Variants in VSNL1 observed in about 807,000 individuals in gnomAD.
VSNL1 encodes the protein visinin like 1, also known as visinin-like protein 1.
VSNL1 carries 6 observed loss-of-function variants against 20.4 expected under a neutral mutation model. That is an observed-to-expected ratio of 0.29 (90% CI 0.16 to 0.58). The LOEUF is 0.58. Among genes scored for constraint, VSNL1 ranks in the 20% least tolerant of loss-of-function variants. VSNL1 has a pLI of 0.90. For synonymous variants in VSNL1, 93 were observed against 86.4 expected (o/e 1.08, Z -0.42); for missense variants, 100 against 234.5 (o/e 0.43, Z 3.75).
chr2:17,591,223 A>G (rs1292951308), intron 1 of VSNL1, among the ~76,000 whole-genome samples: 2 of 152,164 alleles, frequency 1.3e-5, no homozygotes, highest in African/African-American at 4.8e-5. Context: ...GCCCTAAGTA[A>G]CACATGTAGT....
At chr2:17,561,791 G>T (rs1158008985) in intron 1 of VSNL1, among the ~76,000 whole-genome samples, 1 of 152,134 alleles carries the variant, frequency 6.6e-6, no homozygotes, top group East Asian at 1.9e-4. Flanking sequence ...AGAAAAAGAG[G>T]AGAGAGAGAC....
chr2:17,640,075 C>T (rs1000460180), intron 2 of VSNL1, among the ~76,000 whole-genome samples: 2 of 151,952 alleles, frequency 1.3e-5, no homozygotes, highest in African/African-American at 4.8e-5. Context: ...CACGGTGAAA[C>T]CCGGTCTCTA....
At chr2:17,625,203 C>T (rs996758566) in intron 2 of VSNL1, among the ~76,000 whole-genome samples, 10 of 152,222 alleles carry the variant, frequency 6.6e-5, no homozygotes, top group African/African-American at 2.2e-4. Flanking sequence ...TGTGAGGCTT[C>T]CCCAGCCACG....
chr2:17,568,510 A>G (rs921154694), intron 1 of VSNL1, among the ~76,000 whole-genome samples: 5 of 152,194 alleles, frequency 3.3e-5, no homozygotes, highest in African/African-American at 1.2e-4. Flanking sequence ...AAGGTCAGTC[A>G]GTATCTTTAG....
chr2:17,644,441 G>C (rs771372114), intron 2 of VSNL1, among the ~76,000 whole-genome samples: 9 of 152,190 alleles, frequency 5.9e-5, no homozygotes, highest in Admixed American at 6.5e-5. Flanking sequence ...GACAGTGCAC[G>C]AGGGGCCCCT....
At chr2:17,639,871 A>T (rs916304252) in intron 2 of VSNL1, among the ~76,000 whole-genome samples, 2 of 152,078 alleles carry the variant, frequency 1.3e-5, no homozygotes, top group African/African-American at 4.8e-5. Context: ...GGGCATTCTG[A>T]CTCTGTTCCA....
chr2:17,604,276 C>T (rs774791978), intron 2 of VSNL1, among the ~76,000 whole-genome samples: 11 of 152,240 alleles, frequency 7.2e-5, no homozygotes, highest in East Asian at 1.9e-4. Flanking sequence ...GAGGAGCAGG[C>T]GGTGGGCAGG....
rs559301516 is a variant in VSNL1 at position 17,622,838 on chromosome 2, G to A, written c.163-26572G>A. Among the ~76,000 whole-genome samples, 3 of 152,332 alleles carry A rather than the reference G, an allele frequency of 2.0e-5. No individual in the cohort carries two copies. In the East Asian group the frequency reaches 5.8e-4, roughly 29 times the overall value. On this transcript the variant is annotated intron_variant, in intron 2 of 3. Transcript: ENST00000295156. ...AGATCAAATCCCAGGTCCCCACACA[G>A]GAACAGGAGAGGCCAGGCTCCTCCC...
At chr2:17,623,958 A>G (rs1665446399) in intron 2 of VSNL1, among the ~76,000 whole-genome samples, 1 of 152,228 alleles carries the variant, frequency 6.6e-6, no homozygotes. Context: ...TATCTGTTAG[A>G]TTCATAGTGT....
At chr2:17,651,720 C>T (rs1666126883) in intron 3 of VSNL1, among the ~76,000 whole-genome samples, 2 of 152,206 alleles carry the variant, frequency 1.3e-5, no homozygotes, top group Admixed American at 6.5e-5. Flanking sequence ...CTTAGTTCTT[C>T]CACGTTTCTC....
At chr2:17,565,198 T>C (rs1300059698) in intron 1 of VSNL1, among the ~76,000 whole-genome samples, 1 of 152,196 alleles carries the variant, frequency 6.6e-6, no homozygotes, top group Non-Finnish European at 1.5e-5. Context: ...AATGTTAGTC[T>C]GGATTAGGGA....
intron 1 of VSNL1, among the ~76,000 whole-genome samples, chr2:17,578,225 T>C (rs1664262876): frequency 6.6e-6 from 1 of 152,242 alleles, no homozygotes; most frequent in African/African-American, 2.4e-5. Context: ...TATCTCACCT[T>C]GTTTGTCTAA....
At chr2:17,605,475 G>A (rs562432104) in intron 2 of VSNL1, among the ~76,000 whole-genome samples, 7 of 152,350 alleles carry the variant, frequency 4.6e-5, no homozygotes, top group South Asian at 4.1e-4. Context: ...GCGACTCGGC[G>A]GGTAAGCCAG....
At position 17,578,003 on chromosome 2, in the gene VSNL1, T is replaced by G. The variant is rs762786717; in HGVS notation, c.-5-14067T>G. 1.1e-4 allele frequency among the ~76,000 whole-genome samples: 16 copies of G among 152,194 alleles called. 1 individual carries two copies. ...AATGGTATCTACTTCATAAAACGGTTGTAAAGAAGAAGTGAGGTAATCCAT... is the reference window on the plus strand; with the variant it reads ...AATGGTATCTACTTCATAAAACGGTGGTAAAGAAGAAGTGAGGTAATCCAT... On this transcript the variant is annotated intron_variant, in intron 1 of 3. Coordinates refer to ENST00000295156, the MANE Select transcript of VSNL1 (RefSeq NM_003385.5).
At chr2:17,578,919 G>T (rs1664282139) in intron 1 of VSNL1, among the ~76,000 whole-genome samples, 1 of 152,100 alleles carries the variant, frequency 6.6e-6, no homozygotes, top group Non-Finnish European at 1.5e-5. Flanking sequence ...TTTCCATCCA[G>T]CTTCCAAAAC....
At chr2:17,622,548 G>GAAAGAAAAGAAAGAAAGA (rs1558303620) in intron 2 of VSNL1, among the ~76,000 whole-genome samples, 2 of 70,156 alleles carry the variant, frequency 2.9e-5, no homozygotes, top group Non-Finnish European at 6.3e-5. Flanking sequence ...AAGAAAGAAA[G>GAAAGAAAAGAAAGAAAGA]AAAGAAAGAA....
intron 1 of VSNL1, among the ~76,000 whole-genome samples, chr2:17,588,694 C>A (rs998691969): frequency 2.0e-5 from 3 of 152,216 alleles, no homozygotes; most frequent in African/African-American, 4.8e-5. Context: ...TGGGTCCCAC[C>A]TGCAAGGTAT....
At chr2:17,547,003 G>T (rs1312794760) in intron 1 of VSNL1, among the ~76,000 whole-genome samples, 1 of 151,926 alleles carries the variant, frequency 6.6e-6, no homozygotes, top group Non-Finnish European at 1.5e-5. Flanking sequence ...GATTATAAAG[G>T]TATTCATTCT....
At chr2:17,553,359 G>T (rs1663594144) in intron 1 of VSNL1, among the ~76,000 whole-genome samples, 1 of 152,084 alleles carries the variant, frequency 6.6e-6, no homozygotes, top group South Asian at 2.1e-4. Context: ...TCAGAAAAAT[G>T]ACAGTATTAT....
Sources: allele counts gnomAD v4.1 joint callset (sites outside exome capture counted in the v4.1 genomes callset), GRCh38; gene constraint gnomAD v4.1.1; transcripts MANE v1.5; gene names NCBI Gene and HGNC (gene_info 2026-07-23, HGNC 2026-07-21).